Variants in SOCS5 observed in about 807,000 individuals in gnomAD.
SOCS5 encodes the protein suppressor of cytokine signaling 5, also known as CIS-6.
Under a neutral mutation model 42.8 loss-of-function variants are expected in SOCS5, and 32 were observed. That is an observed-to-expected ratio of 0.75 (90% CI 0.56 to 1.01). The LOEUF is 1.01. SOCS5 is among the 50% of genes least tolerant of loss of function. The pLI is 0.00. For missense variants in SOCS5, 627 were observed against 653.0 expected (o/e 0.96, Z 0.43); for synonymous variants, 283 against 229.6 (o/e 1.23, Z -2.10).
At chr2:46,739,770 T>C (rs1383135725) in intron 1 of SOCS5, among the ~76,000 whole-genome samples, 1 of 152,222 alleles carries the variant, frequency 6.6e-6, no homozygotes, top group African/African-American at 2.4e-5. Context: ...GCCTCTTTTG[T>C]ACACATGTCT....
chr2:46,709,154 G>A (rs1409411626), intron 1 of SOCS5, among the ~76,000 whole-genome samples: 2 of 152,120 alleles, frequency 1.3e-5, no homozygotes, highest in Non-Finnish European at 2.9e-5. Context: ...AAAGTGCTGC[G>A]ATTACAGGCT....
intron 1 of SOCS5, among the ~76,000 whole-genome samples, chr2:46,745,639 T>C (rs532020464): frequency 6.6e-6 from 1 of 152,288 alleles, no homozygotes; most frequent in South Asian, 2.1e-4. Context: ...AAATCACAGA[T>C]CTTTGAGGTT....
At position 46,756,061 on chromosome 2, in the gene SOCS5, CTGCATTTTG is replaced by C. The variant is rs937220872; in HGVS notation, c.-12-2454_-12-2446del. ...GAACCAGGGGGTTCAGTGTTAGAAA[CTGCATTTTG>C]TGCCCTGGCAAGTACAAATGTTTTC... On this transcript the variant is annotated intron_variant, in intron 1 of 1. Transcript: ENST00000394861. Among the ~76,000 whole-genome samples, 63 of 152,138 alleles carry C rather than the reference CTGCATTTTG, an allele frequency of 4.1e-4. 1 individual carries two copies. The highest frequency in any genetic ancestry group is 1.5e-3 in the African/African-American group (62 of 41,436).
intron 1 of SOCS5, among the ~76,000 whole-genome samples, chr2:46,749,496 T>A (rs1263864724): frequency 6.6e-6 from 1 of 152,174 alleles, no homozygotes; most frequent in Admixed American, 6.5e-5. Context: ...GCTGGCCAAA[T>A]AAGAAACATT....
intron 1 of SOCS5, among the ~76,000 whole-genome samples, chr2:46,706,039 G>A (rs541255224): frequency 4.6e-5 from 7 of 152,270 alleles, no homozygotes; most frequent in South Asian, 2.1e-4. Flanking sequence ...GGTTGTTGCC[G>A]GGCCAGAAAG....
intron 1 of SOCS5, among the ~76,000 whole-genome samples, chr2:46,706,783 C>G (rs767283239): frequency 7.2e-5 from 11 of 152,242 alleles, no homozygotes; most frequent in Non-Finnish European, 1.5e-4. Context: ...AAAGCTTGAA[C>G]TGTCTTGAGA....
At chr2:46,732,165 T>C (rs528198079) in intron 1 of SOCS5, among the ~76,000 whole-genome samples, 2 of 152,336 alleles carry the variant, frequency 1.3e-5, no homozygotes, top group African/African-American at 4.8e-5. Context: ...CATGTGTTCA[T>C]GTTGTGCCCT....
At chr2:46,712,010 T>C (rs72881388) in intron 1 of SOCS5, among the ~76,000 whole-genome samples, 4,670 of 152,264 alleles carry the variant, frequency 0.031, 271 homozygotes, top group African/African-American at 0.11. Flanking sequence ...ATAGAACTTC[T>C]CCAGTTTAGT....
At chr2:46,748,267 C>A (rs1673551835) in intron 1 of SOCS5, among the ~76,000 whole-genome samples, 1 of 151,218 alleles carries the variant, frequency 6.6e-6, no homozygotes, top group South Asian at 2.1e-4. Flanking sequence ...CTCACTGCAG[C>A]CTCAGCCTCC....
At chr2:46,723,171 C>A (rs986828068) in intron 1 of SOCS5, among the ~76,000 whole-genome samples, 2 of 152,014 alleles carry the variant, frequency 1.3e-5, no homozygotes, top group African/African-American at 4.8e-5. Flanking sequence ...AAGTCCAGTT[C>A]ATAATTTTTT....
At chr2:46,739,258 A>G (rs1182662615) in intron 1 of SOCS5, among the ~76,000 whole-genome samples, 1 of 152,218 alleles carries the variant, frequency 6.6e-6, no homozygotes, top group South Asian at 2.1e-4. Context: ...GTAAATTGTC[A>G]TAAGATGTAA....
chr2:46,700,050 C>T (rs1028708037), intron 1 of SOCS5, among the ~76,000 whole-genome samples: 4 of 152,128 alleles, frequency 2.6e-5, no homozygotes, highest in Non-Finnish European at 4.4e-5. Flanking sequence ...AGCTGGAAGA[C>T]CCCTCTGCAA....
At chr2:46,717,293 C>G (rs1027397805) in intron 1 of SOCS5, among the ~76,000 whole-genome samples, 1 of 152,100 alleles carries the variant, frequency 6.6e-6, no homozygotes, top group Non-Finnish European at 1.5e-5. Flanking sequence ...AGGCAGAAAG[C>G]TGGAGCAATC....
intron 1 of SOCS5, among the ~76,000 whole-genome samples, chr2:46,712,043 G>A (rs1672633760): frequency 6.6e-6 from 1 of 152,040 alleles, no homozygotes; most frequent in Non-Finnish European, 1.5e-5. Context: ...AGATTGTTTA[G>A]ACTTTTTTTA....
intron 1 of SOCS5, among the ~76,000 whole-genome samples, 158 bp from the exon 2 acceptor site, chr2:46,758,361 A>G (rs1468616658): frequency 1.3e-5 from 2 of 152,240 alleles, no homozygotes; most frequent in South Asian, 2.1e-4. Context: ...GCTGCCCAAC[A>G]GAACACACGG....
At position 46,759,328 on chromosome 2, in the gene SOCS5, G is replaced by C. The variant is rs1366909819; in HGVS notation, c.798G>C (p.Glu266Asp). Residue 266 changes from glutamate (E) to aspartate (D), a missense_variant, in exon 2 of 2, where the codon GAG (glutamate) becomes GAC (aspartate). Transcript: ENST00000394861. ...STEDEEDRLR[E>D]RRRLSIEEGV... Reference sequence around the variant, plus strand: ...AAGATGAAGAAGATAGGCTTAGAGAGAGAAGGCGGCTTAGTATTGAAGAAG... The same window carrying C: ...AAGATGAAGAAGATAGGCTTAGAGACAGAAGGCGGCTTAGTATTGAAGAAG... 6.2e-7 allele frequency: 1 copy of C among 1,613,968 alleles called. No homozygotes were observed. The highest frequency in any genetic ancestry group is 1.7e-5 in the Admixed American group (1 of 60,020).
chr2:46,707,344 G>T (rs1363641556), intron 1 of SOCS5, among the ~76,000 whole-genome samples: 1 of 152,192 alleles, frequency 6.6e-6, no homozygotes, highest in East Asian at 1.9e-4. Context: ...TAAGCTAATT[G>T]AGAGTTGGTG....
At chr2:46,712,006 C>T (rs997372208) in intron 1 of SOCS5, among the ~76,000 whole-genome samples, 6 of 152,144 alleles carry the variant, frequency 3.9e-5, no homozygotes, top group Non-Finnish European at 8.8e-5. Flanking sequence ...GGTAATAGAA[C>T]TTCTCCAGTT....
At chr2:46,743,168 C>T (rs992457429) in intron 1 of SOCS5, among the ~76,000 whole-genome samples, 26 of 151,992 alleles carry the variant, frequency 1.7e-4, no homozygotes, top group Non-Finnish European at 2.6e-4. Flanking sequence ...TTATATTCAA[C>T]ATGTTACAGG....
Sources: allele counts gnomAD v4.1 joint callset (sites outside exome capture counted in the v4.1 genomes callset), GRCh38; gene constraint gnomAD v4.1.1; transcripts MANE v1.5; gene names NCBI Gene and HGNC (gene_info 2026-07-23, HGNC 2026-07-21).